PASD1: variants seen among roughly 807,000 people sequenced by gnomAD.
The protein encoded by PASD1 is circadian clock protein PASD1.
In PASD1, 13 loss-of-function variants were observed where a neutral mutation model predicts 58.8. The ratio of observed to expected loss-of-function variants is 0.22; its 90% CI spans 0.14 to 0.35. The LOEUF (loss-of-function observed/expected upper bound fraction) is 0.35, where lower values mean the gene tolerates loss of function less well. PASD1 is among the 10% of genes least tolerant of loss of function. The pLI, the probability that PASD1 is intolerant of heterozygous loss-of-function variation, is 1.00. For missense variants in PASD1, 734 were observed against 568.3 expected, an observed-to-expected ratio of 1.29 and a Z score of -2.96; for synonymous variants, 236 against 216.7, an observed-to-expected ratio of 1.09 and a Z score of -0.78.
At chrX:151,631,638 A>G (rs1341726193) in intron 8 of PASD1, among the ~76,000 whole-genome samples, 4 of 111,388 alleles carry the variant, frequency 3.6e-5, no homozygotes, top group Non-Finnish European at 7.5e-5. Context: ...AAACTCTGCT[A>G]TAGGACTGGA....
chrX:151,636,198 C>T (rs183261027), intron 8 of PASD1, among the ~76,000 whole-genome samples: 232 of 110,717 alleles, frequency 2.1e-3, no homozygotes, highest in African/African-American at 7.2e-3. Context: ...TTGATTCTGC[C>T]TTCTAACCCA....
At chrX:151,642,889 C>A (rs972296850) in intron 8 of PASD1, among the ~76,000 whole-genome samples, 2 of 111,267 alleles carry the variant, frequency 1.8e-5, no homozygotes, top group African/African-American at 3.3e-5. Flanking sequence ...GGGGAACTTG[C>A]AATGGGGAAA....
chrX:151,598,937 G>A (rs763640145), intron 1 of PASD1, among the ~76,000 whole-genome samples: 127 of 110,866 alleles, frequency 1.1e-3, no homozygotes, highest in African/African-American at 3.9e-3. Context: ...GTGAACAAAG[G>A]TCTCTGGTTT....
chrX:151,640,431 C>A (rs1203410519), intron 8 of PASD1, among the ~76,000 whole-genome samples: 1 of 111,917 alleles, frequency 8.9e-6, no homozygotes, highest in Admixed American at 9.5e-5. Flanking sequence ...TAGTACCTTA[C>A]AAACTGTAGA....
intron 8 of PASD1, among the ~76,000 whole-genome samples, chrX:151,627,921 G>A (rs747988075): frequency 0.032 from 3,530 of 111,301 alleles, 73 homozygotes; most frequent in Non-Finnish European, 0.047. Flanking sequence ...ATGGTATCTC[G>A]TTGTGGTTTT....
chrX:151,668,412 AT>A (rs2014413603), intron 11 of PASD1, among the ~76,000 whole-genome samples: 1 of 111,245 alleles, frequency 9.0e-6, no homozygotes. Context: ...GTTTGCCAGT[AT>A]TTTATTGAGG....
intron 6 of PASD1, among the ~76,000 whole-genome samples, chrX:151,622,557 A>C (rs2013726383): frequency 9.4e-6 from 1 of 105,923 alleles, no homozygotes; most frequent in Non-Finnish European, 1.9e-5. Flanking sequence ...CCTTTTGAAA[A>C]AATCTTACTT....
chrX:151,663,565 C>T (rs1226774000), intron 10 of PASD1, among the ~76,000 whole-genome samples: 1 of 112,227 alleles, frequency 8.9e-6, no homozygotes, highest in Non-Finnish European at 1.9e-5. Context: ...CTCCTGGTTG[C>T]GGGACTGCTG....
chrX:151,625,658 A>C (rs866691312), intron 8 of PASD1, 128 bp downstream of exon 8: 1 of 441,897 alleles, frequency 2.3e-6, no homozygotes, highest in Non-Finnish European at 3.6e-6. Flanking sequence ...AAAAGAAACA[A>C]ACGGGCCAGG....
chrX:151,591,077 G>T (rs34147063), intron 1 of PASD1, among the ~76,000 whole-genome samples: 57,246 of 110,276 alleles, frequency 0.52, 11,776 homozygotes, highest in East Asian at 0.93. Context: ...TTGCTGTGGA[G>T]CTTGAGCTGT....
intron 2 of PASD1, among the ~76,000 whole-genome samples, chrX:151,603,992 C>T (rs771340807): frequency 9.0e-6 from 1 of 111,580 alleles, no homozygotes; most frequent in African/African-American, 3.3e-5. Context: ...TTAGTGAAGT[C>T]CCTTTGCTAG....
rs1307599478 is a variant in PASD1 at position 151,625,411 on chromosome X, A to T, written c.547-37A>T. 3 of 1,049,105 alleles carry T rather than the reference A, an allele frequency of 2.9e-6. No homozygotes were observed. In the African/African-American group the frequency reaches 5.6e-5, roughly 20 times the overall value. 86.5% of individuals were successfully genotyped at this position (1,049,105 alleles called of 1,213,427 possible). A position where few individuals can be genotyped will look rare whatever the true frequency, so the allele number is the denominator to read the frequency against. On this transcript the variant is annotated intron_variant, in intron 7 of 15. Transcript: ENST00000370357. ...TGCTGTGCATTTTTACTATTTATAT[A>T]CATATTAAATGTCTAAATATTTGAA...
At chrX:151,592,653 G>A (rs2013265861) in intron 1 of PASD1, among the ~76,000 whole-genome samples, 3 of 111,722 alleles carry the variant, frequency 2.7e-5, no homozygotes, top group South Asian at 3.8e-4. Context: ...TTAGAAGTAT[G>A]ACATTTAACT....
intron 2 of PASD1, among the ~76,000 whole-genome samples, chrX:151,603,434 G>T (rs1258005648): frequency 8.9e-6 from 1 of 111,949 alleles, no homozygotes; most frequent in Non-Finnish European, 1.9e-5. Context: ...AAATACAGTG[G>T]TTATCCTTTC....
chrX:151,567,684 C>T (rs1023066058), intron 1 of PASD1, among the ~76,000 whole-genome samples: 1 of 111,694 alleles, frequency 9.0e-6, no homozygotes, highest in African/African-American at 3.3e-5. Flanking sequence ...AAGTCAGTCT[C>T]TTAAAAGACG....
At chrX:151,650,353 A>T (rs548313226) in intron 9 of PASD1, among the ~76,000 whole-genome samples, 3 of 109,058 alleles carry the variant, frequency 2.8e-5, no homozygotes, top group African/African-American at 1.0e-4. Context: ...ATGCCTAAGT[A>T]ATTATAATAT....
intron 6 of PASD1, 68 bp from the exon 7 acceptor site, chrX:151,622,869 T>G (rs868700424): frequency 3.7e-6 from 4 of 1,087,982 alleles, no homozygotes; most frequent in Non-Finnish European, 5.0e-6. Flanking sequence ...CATGGATGTG[T>G]CAGGTATTTG....
At chrX:151,660,122 C>T (rs765866248) in intron 10 of PASD1, among the ~76,000 whole-genome samples, 8 of 111,969 alleles carry the variant, frequency 7.1e-5, no homozygotes, top group Admixed American at 9.5e-5. Context: ...TTTTTATACT[C>T]GTGTAGTCTA....
intron 1 of PASD1, among the ~76,000 whole-genome samples, chrX:151,591,151 C>T (rs1411983911): frequency 9.0e-6 from 1 of 111,617 alleles, no homozygotes; most frequent in Non-Finnish European, 1.9e-5. Context: ...ATTCTTTTGA[C>T]TGTGGGCCTT....
Sources: allele counts gnomAD v4.1 joint callset (sites outside exome capture counted in the v4.1 genomes callset), GRCh38; gene constraint gnomAD v4.1.1; transcripts MANE v1.5; gene names NCBI Gene and HGNC (gene_info 2026-07-23, HGNC 2026-07-21).